Variants in ROR1 observed in about 807,000 individuals in gnomAD.
ROR1 encodes the protein inactive tyrosine-protein kinase transmembrane receptor ROR1.
A neutral mutation model predicts 78.8 loss-of-function variants in ROR1; 19 were observed. The observed-to-expected ratio is 0.24, with a 90% CI of 0.17 to 0.35. The LOEUF is 0.35. Ranked by LOEUF, ROR1 falls within the 10% of genes least tolerant of loss-of-function variation. ROR1 has a pLI of 1.00. For missense variants in ROR1, 917 were observed against 1,177.8 expected, an observed-to-expected ratio of 0.78 and a Z score of 3.24; for synonymous variants, 386 against 433.6, an observed-to-expected ratio of 0.89 and a Z score of 1.36.
chr1:63,896,881 C>CT (rs1405551987), intron 1 of ROR1, among the ~76,000 whole-genome samples: 3 of 152,156 alleles, frequency 2.0e-5, no homozygotes, highest in East Asian at 1.9e-4. Flanking sequence ...TTCTGACTCT[C>CT]TATTAATTAT....
At chr1:63,922,626 T>C (rs1645665736) in intron 1 of ROR1, among the ~76,000 whole-genome samples, 1 of 152,170 alleles carries the variant, frequency 6.6e-6, no homozygotes, top group African/African-American at 2.4e-5. Flanking sequence ...TTCCTAGGAA[T>C]AGAGGAGAGC....
intron 1 of ROR1, among the ~76,000 whole-genome samples, chr1:63,887,070 G>A (rs975557758): frequency 2.6e-5 from 4 of 152,232 alleles, no homozygotes; most frequent in African/African-American, 9.6e-5. Context: ...CACCTGGGCA[G>A]GTCAGACCAT....
chr1:64,147,359 A>AT (rs111351285), intron 7 of ROR1, among the ~76,000 whole-genome samples: 25,392 of 151,808 alleles, frequency 0.17, 2,324 homozygotes, highest in Non-Finnish European at 0.2. Context: ...CACCACTTAG[A>AT]TTTTTTTTTA....
chr1:64,031,553 A>G (rs1022217812), intron 2 of ROR1, among the ~76,000 whole-genome samples: 2 of 152,264 alleles, frequency 1.3e-5, no homozygotes, highest in Non-Finnish European at 2.9e-5. Context: ...TTATCAGACC[A>G]GAAGAGTCTC....
At chr1:64,036,300 C>CTA (rs1450501902) in intron 2 of ROR1, among the ~76,000 whole-genome samples, 2 of 152,166 alleles carry the variant, frequency 1.3e-5, no homozygotes, top group East Asian at 3.9e-4. Flanking sequence ...CAAGATTCTG[C>CTA]TACATGACAG....
At chr1:63,824,312 T>C (rs1044367537) in intron 1 of ROR1, among the ~76,000 whole-genome samples, 5 of 152,228 alleles carry the variant, frequency 3.3e-5, no homozygotes, top group Admixed American at 6.5e-5. Context: ...AAAGCAGCCA[T>C]AGATAATTTG....
chr1:63,836,860 T>C (rs1340297739), intron 1 of ROR1, among the ~76,000 whole-genome samples: 1 of 152,174 alleles, frequency 6.6e-6, no homozygotes, highest in Non-Finnish European at 1.5e-5. Flanking sequence ...TGTAAAAAGC[T>C]TGTGGGCCTG....
chr1:64,058,862 A>C (rs1298697257), intron 4 of ROR1, among the ~76,000 whole-genome samples: 1 of 152,108 alleles, frequency 6.6e-6, no homozygotes, highest in Non-Finnish European at 1.5e-5. Flanking sequence ...TATATTGGGA[A>C]GTATTCCTTT....
rs1052824600 is a variant in ROR1 at position 64,110,003 on chromosome 1, C to T, written c.483-27366C>T. Among the ~76,000 whole-genome samples, 4 of 152,114 alleles carry T rather than the reference C, an allele frequency of 2.6e-5. No individual in the cohort carries two copies. In the East Asian group the frequency reaches 7.7e-4, roughly 29 times the overall value. On this transcript the variant is annotated intron_variant, in intron 4 of 8. Transcript: ENST00000371079. ...TCCTCTAGGAAGCCTTTGCTATATC[C>T]CTCCAGTAAAGGTCACATGACCTCC...
intron 1 of ROR1, among the ~76,000 whole-genome samples, chr1:63,782,410 G>A (rs941740519): frequency 7.9e-5 from 12 of 152,072 alleles, no homozygotes; most frequent in African/African-American, 2.9e-4. Context: ...AACCTTAGAA[G>A]TCATGTGTTG....
At chr1:64,176,498 A>AC (rs5774688) in intron 8 of ROR1, among the ~76,000 whole-genome samples, 119,751 of 152,124 alleles carry the variant, frequency 0.79, 47,352 homozygotes, top group East Asian at 0.88. Flanking sequence ...GAATTGAGGC[A>AC]AAAGTTAAAT....
At chr1:63,941,025 G>A (rs1159292955) in intron 1 of ROR1, among the ~76,000 whole-genome samples, 1 of 152,160 alleles carries the variant, frequency 6.6e-6, no homozygotes, top group Non-Finnish European at 1.5e-5. Flanking sequence ...TAACTGTCCT[G>A]TATTTGTCAT....
chr1:64,109,179 ATTG>A (rs1332496700), intron 4 of ROR1, among the ~76,000 whole-genome samples: 1 of 152,118 alleles, frequency 6.6e-6, no homozygotes, highest in Admixed American at 6.5e-5. Flanking sequence ...GGCATCAACT[ATTG>A]TTCTGAGTTT....
chr1:63,893,935 G>C (rs1453152290), intron 1 of ROR1, among the ~76,000 whole-genome samples: 1 of 151,962 alleles, frequency 6.6e-6, no homozygotes, highest in Admixed American at 6.6e-5. Context: ...CTCAGCATAC[G>C]ATTTTTTTCT....
chr1:63,991,047 T>G (rs1242296568), intron 1 of ROR1, among the ~76,000 whole-genome samples: 2 of 152,156 alleles, frequency 1.3e-5, no homozygotes, highest in African/African-American at 4.8e-5. Context: ...GGCTCCTGAA[T>G]AGCTTGGACC....
chr1:64,163,233 ACAC>A (rs1649995404), intron 8 of ROR1, among the ~76,000 whole-genome samples: 1 of 89,324 alleles, frequency 1.1e-5, no homozygotes, highest in Non-Finnish European at 2.9e-5. Context: ...ACACACACAC[ACAC>A]ACACACACAC....
intron 1 of ROR1, among the ~76,000 whole-genome samples, chr1:63,853,379 A>G (rs909547391): frequency 6.6e-6 from 1 of 152,230 alleles, no homozygotes; most frequent in African/African-American, 2.4e-5. Context: ...TAGGTTGGGT[A>G]TCCCTAATCT....
chr1:63,983,598 G>A (rs139170896), intron 1 of ROR1, among the ~76,000 whole-genome samples: 8 of 152,292 alleles, frequency 5.3e-5, no homozygotes, highest in Non-Finnish European at 7.4e-5. Context: ...GCAGGAGTGT[G>A]GCTGGTACCC....
chr1:64,177,734 A>G lies in ROR1; in HGVS notation c.1693A>G (p.Ile565Val), dbSNP rs140939080. 9.2e-5 allele frequency: 148 copies of G among 1,614,096 alleles called. No homozygotes were observed. Among genetic ancestry groups the G allele is most frequent in the South Asian group, 1.3e-4 (12 of 91,088 alleles). ...INQGDLHEFL[I>V]MRSPHSDVGC... ...TCAGGGGGATCTCCATGAGTTCCTC[A>G]TCATGAGATCCCCACACTCTGATGT... is the stretch of plus-strand genomic sequence containing the variant. The change falls in exon 9 of 9, where the codon ATC becomes GTC. Residue 565 changes from isoleucine to valine, a missense_variant. This residue lies in a region of ROR1 where 835 missense variants were observed against 1,069.8 expected (regional missense o/e 0.78). Transcript: ENST00000371079.
Sources: gnomAD v4.1 joint callset for allele counts (sites outside exome capture counted in the v4.1 genomes callset) on GRCh38, gnomAD v4.1.1 for gene constraint, gnomAD v4.1.1 regional missense constraint, MANE v1.5 for transcripts, NCBI Gene and HGNC (gene_info 2026-07-23, HGNC 2026-07-21) for gene names.